Variants in ROBO3 observed in about 807,000 individuals in gnomAD.
ROBO3 encodes the protein roundabout guidance receptor 3.
ROBO3 carries 97 observed loss-of-function variants against 160.5 expected under a neutral mutation model. That is an observed-to-expected ratio of 0.60 (90% CI 0.51 to 0.72). ROBO3 has a LOEUF of 0.72. ROBO3 is among the 30% of genes least tolerant of loss of function. ROBO3 has a pLI of 0.00. For synonymous variants in ROBO3, 780 were observed against 746.2 expected (o/e 1.05, Z -0.74); for missense variants, 1,858 against 1,846.5 (o/e 1.01, Z -0.11).
At position 124,873,528 on chromosome 11, in the gene ROBO3, G is replaced by C; in HGVS notation, c.1618+137G>C. The C allele has an allele frequency of 2.9e-6, 3 of 1,018,946 alleles. No homozygotes were observed. Among genetic ancestry groups the C allele is most frequent in the Non-Finnish European group, 4.4e-6 (3 of 681,892 alleles). 63.1% of individuals were successfully genotyped at this position (1,018,946 alleles called of 1,614,324 possible). The stretch of plus-strand genomic sequence containing the variant: ...TGGTTACGGTGGTGAGGATGAGAAG[G>C]ACAGTAGTGGTACCCATGGGAGGCA... On this transcript the variant is annotated intron_variant, in intron 10 of 27. Transcript: ENST00000397801. This position sits in a 1 kb window ranked among gnomAD's most constrained non-coding sequence, Gnocchi z 4.5.
chr11:124,865,512 C>A lies in ROBO3; in HGVS notation c.-66C>A. On this transcript the variant is annotated 5_prime_UTR_variant, in exon 1 of 28. Transcript: ENST00000397801. This position sits in a 1 kb window ranked among gnomAD's most constrained non-coding sequence, Gnocchi z 5.5. ...CTGTGGAGGGGCTTACGGCTCCCAGCCCACGGGTCTCAGACCCAGGGGCTG... is the reference window on the plus strand; with the variant it reads ...CTGTGGAGGGGCTTACGGCTCCCAGACCACGGGTCTCAGACCCAGGGGCTG... 6.5e-7 allele frequency: 1 copy of A among 1,539,124 alleles called. No individual in the cohort carries two copies. Among genetic ancestry groups the A allele is most frequent in the Non-Finnish European group, 8.8e-7 (1 of 1,134,468 alleles).
At position 124,869,530 on chromosome 11, in the gene ROBO3, C is replaced by T. The variant is rs1487929960; in HGVS notation, c.568C>T (p.Pro190Ser). The T allele has an allele frequency of 2.6e-6, 4 of 1,562,820 alleles. No individual in the cohort carries two copies. Among genetic ancestry groups the T allele is most frequent in the East Asian group, 4.7e-5 (2 of 42,122 alleles). The change falls in exon 3 of 28, where the codon CCC becomes TCC. Residue 190 changes from proline (P) to serine (S), a missense_variant. Pro to Ser is a moderately conservative substitution (Grantham distance 74, BLOSUM62 -1). Transcript: ENST00000397801. This position sits in a 1 kb window ranked among gnomAD's most constrained non-coding sequence, Gnocchi z 4.2. Reference sequence around the variant, plus strand: ...GCCAGCAGTACTGGAATGCGTGCCCCCCCGCGGCCACCCGGAGCCTTCCGT... The same window carrying T: ...GCCAGCAGTACTGGAATGCGTGCCCTCCCGCGGCCACCCGGAGCCTTCCGT... ...GEPAVLECVP[P>S]RGHPEPSVSW...
Position 124,870,663 on chromosome 11 carries a change from C to A in ROBO3, c.968C>A (p.Thr323Lys). 3 of 1,613,388 alleles carry A rather than the reference C, an allele frequency of 1.9e-6. No individual in the cohort carries two copies. The change falls in exon 6 of 28, where the codon ACG becomes AAG. Residue 323 changes from threonine to lysine, a missense_variant. Transcript: ENST00000397801. ...CATGTGAGTGCCGAAGATGAGGGAA[C>A]GTACACCTGTGTGGCGGAGAACAGT... The part of the protein sequence containing the change: ...IGHVSAEDEG[T>K]YTCVAENSVG...
At chr11:124,868,472 C>T in intron 1 of ROBO3, 1 of 592,802 alleles carries the variant, frequency 1.7e-6, no homozygotes. Flanking sequence ...GTCTACTCGC[C>T]AAGCGTGGTT....
Position 124,873,247 on chromosome 11 carries a change from C to T in ROBO3, c.1537-63C>T. 4 of 1,495,618 alleles carry T rather than the reference C, an allele frequency of 2.7e-6. No individual in the cohort carries two copies. The highest frequency in any genetic ancestry group is 3.7e-6 in the Non-Finnish European group (4 of 1,090,900). The allele number at this position is 1,495,618 out of a possible 1,614,324, so 92.6% of individuals were successfully genotyped here. A position where few individuals can be genotyped will look rare whatever the true frequency, so the allele number is the denominator to read the frequency against. ...ATCTTCCCATCCTTCTGCTACCCGCCTCCACCCCCTCACTGGATCTTGCTC... is the reference window on the plus strand; with the variant it reads ...ATCTTCCCATCCTTCTGCTACCCGCTTCCACCCCCTCACTGGATCTTGCTC... On this transcript the variant is annotated intron_variant, in intron 9 of 27. Transcript: ENST00000397801. This position sits in a 1 kb window ranked among gnomAD's most constrained non-coding sequence, Gnocchi z 4.5.
rs776503352 is a variant in ROBO3, at chr11:124,880,500, C to A, written c.4041C>A (p.Asn1347Lys). The A allele has an allele frequency of 1.3e-6, 2 of 1,598,834 alleles. No individual in the cohort carries two copies. The highest frequency in any genetic ancestry group is 4.5e-5 in the East Asian group (2 of 44,338). The change falls in exon 27 of 28, where the codon AAC becomes AAA. Residue 1347 changes from asparagine to lysine, a missense_variant. By Grantham distance (94) the Asn-to-Lys change is moderately conservative (BLOSUM62 0). Transcript: ENST00000397801. Reference protein sequence around the residue: ...GTSTCSTAGSNSSRGSSSSRG... With the variant: ...GTSTCSTAGSKSSRGSSSSRG... ...GCACATGTTCCACGGCCGGCAGCAACTCTTCCAGGGGCTCCAGCAGCTCTA... is the reference window on the plus strand; with the variant it reads ...GCACATGTTCCACGGCCGGCAGCAAATCTTCCAGGGGCTCCAGCAGCTCTA...
intron 26 of ROBO3, 24 bp from the exon 27 acceptor site, chr11:124,880,394 C>T (rs763946096): frequency 2.5e-6 from 4 of 1,611,924 alleles, no homozygotes; most frequent in Non-Finnish European, 3.4e-6. Flanking sequence ...CTGCACCTGG[C>T]TACCCTTCCC....
rs1339693377 is a variant in ROBO3, at chr11:124,877,162, C to G, written c.2781C>G (p.Ala927=). Residue 927 remains alanine, a splice_region_variant and synonymous_variant, in exon 18 of 28, where the codon GCC becomes GCG. Transcript: ENST00000397801. The stretch of plus-strand genomic sequence containing the variant: ...CTCCCACGGGTTCCTTTCTGGAAGC[C>G]TCTTTTGCCTACACACCGGCAGGTA... The part of the protein sequence containing the change: ...KQRKELSHYT[A]SFAYTPAVSF... The G allele has an allele frequency of 6.8e-6, 11 of 1,613,926 alleles. No individual in the cohort carries two copies. Among genetic ancestry groups the G allele is most frequent in the Non-Finnish European group, 9.3e-6 (11 of 1,179,852 alleles).
chr11:124,879,766 T>G (rs1240563572), intron 25 of ROBO3, 21 bp from the exon 26 acceptor site: 1 of 1,611,440 alleles, frequency 6.2e-7, no homozygotes, highest in Non-Finnish European at 8.5e-7. Context: ...GAGGCTCCGC[T>G]GAAAACAGCT....
Position 124,877,632 on chromosome 11 carries a change from C to A in ROBO3, c.2960C>A (p.Pro987His). The A allele has an allele frequency of 6.2e-7, 1 of 1,610,894 alleles. No homozygotes were observed. The highest frequency in any genetic ancestry group is 2.2e-5 in the East Asian group (1 of 44,792). Residue 987 changes from proline (P) to histidine (H), a missense_variant, in exon 20 of 28, where the codon CCT (proline) becomes CAT (histidine). Transcript: ENST00000397801. ...AGGGGAAGCTGCTGCCCTAGCAATC[C>A]TGACCCGGACGACAGATATTACAAC... ...EPRGSCCPSN[P>H]DPDDRYYNEA...
chr11:124,878,329 GA>G lies in ROBO3; in HGVS notation c.3216del (p.Lys1072AsnfsTer8). On this transcript the variant is annotated frameshift_variant, in exon 22 of 28. Coordinates refer to ENST00000397801, the MANE Select transcript of ROBO3 (RefSeq NM_022370.4). LOFTEE classifies it high-confidence loss of function. This position sits in a 1 kb window ranked among gnomAD's most constrained non-coding sequence, Gnocchi z 4.3. ...AKGGKVKLLGKPVQMPSLNWP... is the reference protein window; with the variant it reads ...AKGGKVKLLGXPVQMPSLNWP... The stretch of plus-strand genomic sequence containing the variant: ...AGGGAGGCAAAGTGAAGCTTCTGGG[GA>G]AACCTGTGCAGATGCCCTCTCTGAA... The G allele has an allele frequency of 1.9e-6, 3 of 1,613,704 alleles. No individual in the cohort carries two copies. Among genetic ancestry groups the G allele is most frequent in the Non-Finnish European group, 2.5e-6 (3 of 1,179,800 alleles).
intron 4 of ROBO3, 40 bp from the exon 5 acceptor site, chr11:124,870,125 G>T: frequency 1.9e-6 from 3 of 1,614,004 alleles, no homozygotes; most frequent in East Asian, 2.2e-5. Context: ...GTAAGTAGCC[G>T]TGCAGACACC....
chr11:124,880,083 GTC>G (rs1946535910), intron 26 of ROBO3, 135 bp downstream of exon 26: 2 of 931,970 alleles, frequency 2.1e-6, no homozygotes, highest in Non-Finnish European at 1.6e-6. Flanking sequence ...AAACTCCCCT[GTC>G]TCTCTAACTC....
At position 124,877,967 on chromosome 11, in the gene ROBO3, C is replaced by A; in HGVS notation, c.3017C>A (p.Thr1006Lys). 6.2e-7 allele frequency: 1 copy of A among 1,609,278 alleles called. No individual in the cohort carries two copies. The highest frequency in any genetic ancestry group is 8.5e-7 in the Non-Finnish European group (1 of 1,177,704). Residue 1006 changes from threonine (T) to lysine (K), a missense_variant, in exon 21 of 28, where the codon ACG becomes AAG. Physicochemically the swap from Thr to Lys is moderately conservative, Grantham distance 78 (BLOSUM62 -1). Transcript: ENST00000397801. ...EAGISLYLAQ[T>K]ARGTAAPGEG... ...GGAATCTCCCTGTATCTAGCTCAGA[C>A]GGCCAGGGGCACGGCCGCCCCTGGC...
Position 124,872,489 on chromosome 11 carries a change from G to A in ROBO3, c.1267G>A (p.Val423Met), listed in dbSNP as rs4935898. Residue 423 changes from valine (V) to methionine (M), a missense_variant, in exon 8 of 28, where the codon GTG becomes ATG. Physicochemically the swap from Val to Met is conservative, Grantham distance 21 (BLOSUM62 1). Transcript: ENST00000397801. The surrounding 1 kb of genome is among the most constrained non-coding windows in gnomAD (Gnocchi z 4.3). ...AVQRGDAGYY[V>M]CQAVSVAGSI... is the part of the protein sequence containing the mutation. ...GCAGCGTGGGGATGCTGGGTACTAC[G>A]TGTGCCAGGCTGTCAGTGTGGCTGG... 70,297 of 1,613,878 alleles carry A rather than the reference G, an allele frequency of 0.044. 1,776 individuals are homozygous for A. The highest frequency in any genetic ancestry group is 0.051 in the Middle Eastern group (310 of 6,062).
chr11:124,866,381 A>G (rs1280429414), intron 1 of ROBO3, among the ~76,000 whole-genome samples: 1 of 152,186 alleles, frequency 6.6e-6, no homozygotes, highest in Non-Finnish European at 1.5e-5. Flanking sequence ...TGACTGGGAC[A>G]GCGCGCTCTC....
chr11:124,876,194 G>A lies in ROBO3; in HGVS notation c.2593+69G>A. 1 of 1,527,872 alleles carries A rather than the reference G, an allele frequency of 6.5e-7. No individual in the cohort carries two copies. The highest frequency in any genetic ancestry group is 8.7e-7 in the Non-Finnish European group (1 of 1,145,070). The allele number at this position is 1,527,872 out of a possible 1,614,324, so 94.6% of individuals were successfully genotyped here. A position where few individuals can be genotyped will look rare whatever the true frequency, so the allele number is the denominator to read the frequency against. ...GGGCAAGCCCCCCACTGGGGTAGCT[G>A]TGCCTGCCGGGTCGGGAATGACCCT... On this transcript the variant is annotated intron_variant, in intron 16 of 27. Transcript: ENST00000397801. This position sits in a 1 kb window ranked among gnomAD's most constrained non-coding sequence, Gnocchi z 5.3.
Position 124,865,630 on chromosome 11 carries a change from C to T in ROBO3, c.53C>T (p.Ser18Phe), listed in dbSNP as rs1555044223. The T allele has an allele frequency of 3.7e-6, 6 of 1,613,040 alleles. No homozygotes were observed. The South Asian group carries it at 6.6e-5, about 18-fold the overall frequency. ...TLLQMNLFADSLAGDISNSSE... is the reference protein window; with the variant it reads ...TLLQMNLFADFLAGDISNSSE... ...CTGCAGATGAACTTGTTCGCGGACT[C>T]TCTGGCCGGGGACATCTCCAACTCC... The change falls in exon 1 of 28, where the codon TCT becomes TTT. Residue 18 changes from serine (S) to phenylalanine (F), a missense_variant. Ser to Phe is a radical substitution (Grantham distance 155). Coordinates refer to ENST00000397801, the MANE Select transcript of ROBO3 (RefSeq NM_022370.4). The surrounding 1 kb of genome is among the most constrained non-coding windows in gnomAD (Gnocchi z 5.5).
chr11:124,869,441 C>CCCCCCCCCA lies in ROBO3; in HGVS notation c.488-7_488-6insCCCCCCACC. The CCCCCCCCCA allele has an allele frequency of 6.7e-7, 1 of 1,482,028 alleles. No homozygotes were observed. Among genetic ancestry groups the CCCCCCCCCA allele is most frequent in the Non-Finnish European group, 9.2e-7 (1 of 1,085,134 alleles). 91.8% of individuals were successfully genotyped at this position (1,482,028 alleles called of 1,614,324 possible). A position where few individuals can be genotyped will look rare whatever the true frequency, so the allele number is the denominator to read the frequency against. On this transcript the variant is annotated splice_polypyrimidine_tract_variant and intron_variant, in intron 2 of 27. Coordinates refer to ENST00000397801, the MANE Select transcript of ROBO3 (RefSeq NM_022370.4). The surrounding 1 kb of genome is among the most constrained non-coding windows in gnomAD (Gnocchi z 4.2). ...CCCTGCTTATTTCGCCCCCCACCGCCCCGCCCAGTCCTCCGTGATGATTTC... is the reference window on the plus strand; with the variant it reads ...CCCTGCTTATTTCGCCCCCCACCGCCCCCCCCCCACCGCCCAGTCCTCCGTGATGATTTC...
Sources: allele counts gnomAD v4.1 joint callset (sites outside exome capture counted in the v4.1 genomes callset), GRCh38; gene constraint gnomAD v4.1.1; non-coding constraint Gnocchi (gnomAD v3.1); transcripts MANE v1.5; gene names NCBI Gene and HGNC (gene_info 2026-07-23, HGNC 2026-07-21).